The following PARD3B variants were observed in gnomAD, a reference collection of about 807,000 sequenced individuals.
PARD3B encodes partitioning defective 3 homolog B.
Under a neutral mutation model 130.2 loss-of-function variants are expected in PARD3B, and 103 were observed. The ratio of observed to expected loss-of-function variants is 0.79; its 90% CI spans 0.67 to 0.93. PARD3B has a LOEUF of 0.93. Among genes scored for constraint, PARD3B ranks in the 40% least tolerant of loss-of-function variants. The probability of loss-of-function intolerance (pLI) is 0.00; values close to 1 mark genes in which losing one functional copy is unlikely to be tolerated. For missense variants in PARD3B, 1,609 were observed against 1,499.2 expected (o/e 1.07, Z -1.21); for synonymous variants, 583 against 553.2 (o/e 1.05, Z -0.76).
intron 1 of PARD3B, among the ~76,000 whole-genome samples, chr2:204,635,700 G>A (rs1233201073): frequency 3.3e-5 from 5 of 152,082 alleles, no homozygotes; most frequent in Non-Finnish European, 1.5e-5. Context: ...TATGTGGTTC[G>A]GGCCTGGCTC....
chr2:204,782,051 C>G (rs1190549188), intron 2 of PARD3B, among the ~76,000 whole-genome samples: 1 of 152,042 alleles, frequency 6.6e-6, no homozygotes, highest in African/African-American at 2.4e-5. Context: ...AAAATTAAAT[C>G]TCTTATTTAA....
intron 2 of PARD3B, among the ~76,000 whole-genome samples, chr2:204,807,140 C>A (rs1575033278): frequency 6.6e-6 from 1 of 152,092 alleles, no homozygotes; most frequent in African/African-American, 2.4e-5. Flanking sequence ...CTCATGAGAA[C>A]AGCATGGGAA....
chr2:205,530,569 G>A lies in PARD3B; in HGVS notation c.3181-22755G>A, dbSNP rs1009497465. On this transcript the variant is annotated intron_variant, in intron 21 of 22. Transcript: ENST00000406610. This position sits in a 1 kb window ranked among gnomAD's most constrained non-coding sequence, Gnocchi z 4.7. ...GGGTTCAGAATCTATTACTACAACT[G>A]CCAGAGATTTGCCCTCTTCGGGTAA... 3.9e-5 allele frequency among the ~76,000 whole-genome samples: 6 copies of A among 152,248 alleles called. No homozygotes were observed. The highest frequency in any genetic ancestry group is 1.2e-4 in the African/African-American group (5 of 41,540).
rs1207418 is a variant in PARD3B, at chr2:205,274,718, A to T, written c.2186-25812A>T. 0.18 allele frequency among the ~76,000 whole-genome samples: 27,469 copies of T among 152,050 alleles called. 3,006 individuals carry two copies. The highest frequency in any genetic ancestry group is 0.3 in the African/African-American group (12,595 of 41,446). ...TAATTCTTCAGTTAGCACCAAATGC[A>T]GAATTTATTATGCAACTTTTAAGCC... On this transcript the variant is annotated intron_variant, in intron 16 of 22. Coordinates refer to ENST00000406610, the MANE Select transcript of PARD3B (RefSeq NM_001302769.2). This position sits in a 1 kb window ranked among gnomAD's most constrained non-coding sequence, Gnocchi z 4.2.
At chr2:204,950,710 T>G (rs1034722282) in intron 2 of PARD3B, among the ~76,000 whole-genome samples, 1 of 152,226 alleles carries the variant, frequency 6.6e-6, no homozygotes, top group African/African-American at 2.4e-5. Flanking sequence ...TTAAACTGTC[T>G]TCTAAGGTAG....
intron 22 of PARD3B, among the ~76,000 whole-genome samples, chr2:205,556,115 T>C (rs1193590028): frequency 6.6e-6 from 1 of 152,142 alleles, no homozygotes; most frequent in Non-Finnish European, 1.5e-5. Flanking sequence ...GGCGAGCACA[T>C]CTCGGTAGGC....
Position 205,584,934 on chromosome 2 carries a change from G to A in PARD3B, c.3261-30522G>A, listed in dbSNP as rs922830161. Among the ~76,000 whole-genome samples the A allele has an allele frequency of 1.3e-5, 2 of 152,124 alleles. No homozygotes were observed. The highest frequency in any genetic ancestry group is 1.3e-4 in the Admixed American group (2 of 15,276). Reference sequence around the variant, plus strand: ...TTTCTGGATAATTGCACCCACAAGTGGCTACATGCAGACACAATTAGGTGC... The same window carrying A: ...TTTCTGGATAATTGCACCCACAAGTAGCTACATGCAGACACAATTAGGTGC... On this transcript the variant is annotated intron_variant, in intron 22 of 22. Transcript: ENST00000406610. This position sits in a 1 kb window ranked among gnomAD's most constrained non-coding sequence, Gnocchi z 5.5.
rs566517986 is a variant in PARD3B, at chr2:204,846,761, C to G, written c.223-118391C>G. Among the ~76,000 whole-genome samples, 48 of 151,386 alleles carry G rather than the reference C, an allele frequency of 3.2e-4. 1 individual carries two copies. In the South Asian group the frequency reaches 9.6e-3, roughly 30 times the overall value. On this transcript the variant is annotated intron_variant, in intron 2 of 22. Coordinates refer to ENST00000406610, the MANE Select transcript of PARD3B (RefSeq NM_001302769.2). Reference sequence around the variant, plus strand: ...TCTTCGTACAGATGACACATTACCTCCTTGTTGGATGAATGCATTGCCTTC... The same window carrying G: ...TCTTCGTACAGATGACACATTACCTGCTTGTTGGATGAATGCATTGCCTTC...
intron 22 of PARD3B, among the ~76,000 whole-genome samples, chr2:205,607,837 C>CCCAT (rs2055063394): frequency 1.1e-5 from 1 of 94,338 alleles, no homozygotes; most frequent in Non-Finnish European, 2.9e-5. Context: ...CCCATACACA[C>CCCAT]ACACACACAC....
Position 205,592,128 on chromosome 2 carries a change from TC to T in PARD3B, c.3261-23325del, listed in dbSNP as rs2054407093. ...CTAGGAGCTTGCTTAGTATCATAAT[TC>T]CCACTTCCGAGTGAAGAAAATAAAC... On this transcript the variant is annotated intron_variant, in intron 22 of 22. Coordinates refer to ENST00000406610, the MANE Select transcript of PARD3B (RefSeq NM_001302769.2). This position sits in a 1 kb window ranked among gnomAD's most constrained non-coding sequence, Gnocchi z 4.5. Among the ~76,000 whole-genome samples the T allele has an allele frequency of 6.6e-6, 1 of 152,218 alleles. No homozygotes were observed.
At chr2:204,891,159 G>T (rs996293064) in intron 2 of PARD3B, among the ~76,000 whole-genome samples, 2 of 151,260 alleles carry the variant, frequency 1.3e-5, no homozygotes, top group African/African-American at 4.9e-5. Context: ...TCAACTGCAC[G>T]CTGTGTGTTT....
chr2:205,588,634 G>T (rs1476191125), intron 22 of PARD3B, among the ~76,000 whole-genome samples: 3 of 152,178 alleles, frequency 2.0e-5, no homozygotes, highest in Non-Finnish European at 4.4e-5. Flanking sequence ...CCGTAACCTT[G>T]ATGCTAGTGG....
intron 5 of PARD3B, among the ~76,000 whole-genome samples, chr2:205,110,859 A>G (rs1447674202): frequency 6.6e-6 from 1 of 151,942 alleles, no homozygotes; most frequent in African/African-American, 2.4e-5. Flanking sequence ...ATAATAGCCT[A>G]TTTTCATGTC....
chr2:204,653,785 CAAAAAA>C (rs35190366), intron 1 of PARD3B, among the ~76,000 whole-genome samples: 2 of 71,518 alleles, frequency 2.8e-5, no homozygotes, highest in African/African-American at 9.2e-5. Flanking sequence ...GACTCTGTCT[CAAAAAA>C]AAAAAAAAAA....
intron 3 of PARD3B, among the ~76,000 whole-genome samples, chr2:205,003,024 C>A (rs538826939): frequency 1.3e-5 from 2 of 152,326 alleles, no homozygotes; most frequent in Admixed American, 1.3e-4. Flanking sequence ...AAGGACTTAA[C>A]AAGACTGAGT....
chr2:205,297,474 T>C (rs997152769), intron 16 of PARD3B, among the ~76,000 whole-genome samples: 3 of 152,144 alleles, frequency 2.0e-5, no homozygotes, highest in South Asian at 2.1e-4. Context: ...TCCAAGTGTT[T>C]TGTTGGAATT....
intron 2 of PARD3B, among the ~76,000 whole-genome samples, chr2:204,954,871 A>T (rs1326727593): frequency 6.6e-6 from 1 of 152,218 alleles, no homozygotes; most frequent in East Asian, 1.9e-4. Flanking sequence ...TCAACCTATC[A>T]GTTCTTTATT....
At chr2:204,914,801 G>C (rs1481245496) in intron 2 of PARD3B, among the ~76,000 whole-genome samples, 1 of 152,172 alleles carries the variant, frequency 6.6e-6, no homozygotes, top group Non-Finnish European at 1.5e-5. Context: ...CAGGACTGTG[G>C]AGTGGCCCAC....
In PARD3B at chr2:205,562,934, A is replaced by G. The variant is rs1043055213; in HGVS notation, c.3260+9531A>G. On this transcript the variant is annotated intron_variant, in intron 22 of 22. Coordinates refer to ENST00000406610, the MANE Select transcript of PARD3B (RefSeq NM_001302769.2). The surrounding 1 kb of genome is among the most constrained non-coding windows in gnomAD (Gnocchi z 5.4). ...ATAGGTATCTTAGTATCAACCTACTATAGACAGAGACATTATGAATAAATG... is the reference window on the plus strand; with the variant it reads ...ATAGGTATCTTAGTATCAACCTACTGTAGACAGAGACATTATGAATAAATG... 6.6e-5 allele frequency among the ~76,000 whole-genome samples: 10 copies of G among 152,190 alleles called. No homozygotes were observed. Among genetic ancestry groups the G allele is most frequent in the African/African-American group, 2.4e-4 (10 of 41,434 alleles).
Sources: allele counts gnomAD v4.1 joint callset (sites outside exome capture counted in the v4.1 genomes callset), GRCh38; gene constraint gnomAD v4.1.1; non-coding constraint Gnocchi (gnomAD v3.1); transcripts MANE v1.5; gene names NCBI Gene and HGNC (gene_info 2026-07-23, HGNC 2026-07-21).